The following DGKH variants were observed in gnomAD, a reference collection of about 807,000 sequenced individuals.
The protein encoded by DGKH is DAG kinase eta.
DGKH carries 90 observed loss-of-function variants against 159.3 expected under a neutral mutation model. The ratio of observed to expected loss-of-function variants is 0.57; its 90% confidence interval spans 0.48 to 0.67. DGKH has a LOEUF of 0.67. DGKH is among the 30% of genes least tolerant of loss of function. DGKH has a pLI of 0.00. For missense variants in DGKH, 1,181 were observed against 1,506.1 expected, an observed-to-expected ratio of 0.78 and a Z score of 3.57; for synonymous variants, 536 against 553.8, an observed-to-expected ratio of 0.97 and a Z score of 0.45.
intron 1 of DGKH, among the ~76,000 whole-genome samples, chr13:42,087,104 A>AC (rs1566093830): frequency 3.5e-4 from 49 of 141,688 alleles, no homozygotes; most frequent in African/African-American, 1.2e-3. Context: ...GAGTAGGCAC[A>AC]ACAATCCTTG....
In DGKH at chr13:42,048,994, C is replaced by T. The variant is rs756895200; in HGVS notation, c.192+29C>T. On this transcript the variant is annotated intron_variant, in intron 1 of 29. Coordinates refer to ENST00000337343, the MANE Select transcript of DGKH (RefSeq NM_178009.5). The surrounding 1 kb of genome is among the most constrained non-coding windows in gnomAD (Gnocchi z 6.7). ...GGGCGGAGGAGGCGGGCCTGAGGGC[C>T]GCGTGGAAAGCGGGAGGTGGAGAGG... 1 of 1,256,206 alleles carries T rather than the reference C, an allele frequency of 8.0e-7. No individual in the cohort carries two copies. The highest frequency in any genetic ancestry group is 3.1e-5 in the East Asian group (1 of 32,562). The allele number at this position is 1,256,206 out of a possible 1,614,324, so 77.8% of individuals were successfully genotyped here.
intron 1 of DGKH, 150 bp from the exon 2 acceptor site, chr13:42,127,313 A>C: frequency 1.6e-6 from 1 of 635,012 alleles, no homozygotes; most frequent in Admixed American, 2.9e-5. Context: ...ACATATGCAA[A>C]GCTGTGGTGA....
At position 42,237,603 on chromosome 13, in the gene DGKH, C is replaced by T. The variant is rs1032627941; in HGVS notation, c.*8415C>T. 5.9e-5 allele frequency: 9 copies of T among 152,110 alleles called. No homozygotes were observed. Among genetic ancestry groups the T allele is most frequent in the Admixed American group, 1.3e-4 (2 of 15,270 alleles). 9.4% of individuals were successfully genotyped at this position (152,110 alleles called of 1,614,324 possible). On this transcript the variant is annotated 3_prime_UTR_variant, in exon 30 of 30. Transcript: ENST00000337343. ...CAAAAAATATCACATTGATGAAGTC[C>T]GAGACTGTATCTAGATCTTAGCATA...
chr13:42,197,068 G>A (rs1368377776), intron 17 of DGKH, among the ~76,000 whole-genome samples: 2 of 151,940 alleles, frequency 1.3e-5, no homozygotes, highest in Non-Finnish European at 2.9e-5. Flanking sequence ...TGGCTAACAT[G>A]GTGAAACCCC....
intron 16 of DGKH, among the ~76,000 whole-genome samples, chr13:42,193,116 G>A (rs12870816): frequency 0.12 from 18,104 of 152,060 alleles, 1,510 homozygotes; most frequent in East Asian, 0.4. Context: ...TGATAAGCAG[G>A]CCTTTGATGT....
chr13:42,217,756 A>G (rs370774200), intron 26 of DGKH, among the ~76,000 whole-genome samples: 1 of 152,200 alleles, frequency 6.6e-6, no homozygotes, highest in East Asian at 1.9e-4. Flanking sequence ...CTAGTCGGCC[A>G]GGCTCAGTGG....
chr13:42,152,566 C>G (rs1406030673), intron 3 of DGKH, among the ~76,000 whole-genome samples: 1 of 150,178 alleles, frequency 6.7e-6, no homozygotes, highest in East Asian at 1.9e-4. Context: ...ACACATGAAG[C>G]CTTTCTTGGT....
chr13:42,069,910 T>C (rs761818889), intron 1 of DGKH: 16 of 726,330 alleles, frequency 2.2e-5, no homozygotes, highest in Non-Finnish European at 3.4e-5. Context: ...GGGATCGACT[T>C]GTACTTCTTC....
At chr13:42,058,603 A>T (rs746954771) in intron 1 of DGKH, among the ~76,000 whole-genome samples, 1 of 152,214 alleles carries the variant, frequency 6.6e-6, no homozygotes, top group Non-Finnish European at 1.5e-5. Flanking sequence ...ATGACCTCAG[A>T]CATGTTACTT....
downstream of DGKH, among the ~76,000 whole-genome samples, chr13:42,243,649 T>C (rs1302573052): frequency 6.6e-6 from 1 of 152,180 alleles, no homozygotes; most frequent in African/African-American, 2.4e-5. Flanking sequence ...GGCACCTTCC[T>C]GGATAGGGGA....
Position 42,235,591 on chromosome 13 carries a change from C to T in DGKH, c.*6403C>T, listed in dbSNP as rs1023587612. On this transcript the variant is annotated 3_prime_UTR_variant, in exon 30 of 30. Coordinates refer to ENST00000337343, the MANE Select transcript of DGKH (RefSeq NM_178009.5). ...TTAATGTTTGATTGCACTATTGTTT[C>T]CCACAGCTTAGCCGTATCTATTTCT... 6.6e-6 allele frequency: 1 copy of T among 152,098 alleles called. No homozygotes were observed. The highest frequency in any genetic ancestry group is 2.4e-5 in the African/African-American group (1 of 41,436). 9.4% of individuals were successfully genotyped at this position (152,098 alleles called of 1,614,324 possible).
chr13:42,188,550 C>G (rs1956982694), intron 14 of DGKH, among the ~76,000 whole-genome samples: 1 of 152,080 alleles, frequency 6.6e-6, no homozygotes, highest in Non-Finnish European at 1.5e-5. Flanking sequence ...TGCATTAAGT[C>G]AATTACTTTT....
chr13:42,067,901 T>C (rs191887569), intron 1 of DGKH, among the ~76,000 whole-genome samples: 1 of 152,272 alleles, frequency 6.6e-6, no homozygotes, highest in Non-Finnish European at 1.5e-5. Context: ...GAAAACAAAA[T>C]GTCTTATCAT....
At chr13:42,139,845 C>T (rs1170186148) in intron 3 of DGKH, among the ~76,000 whole-genome samples, 2 of 152,150 alleles carry the variant, frequency 1.3e-5, no homozygotes, top group Non-Finnish European at 2.9e-5. Flanking sequence ...GCTATGCTGC[C>T]TGCCTTCAGG....
At chr13:42,183,074 A>C (rs1049475822) in intron 13 of DGKH, among the ~76,000 whole-genome samples, 1 of 152,164 alleles carries the variant, frequency 6.6e-6, no homozygotes, top group African/African-American at 2.4e-5. Context: ...GGATTACTTG[A>C]GCCCAGGAGT....
chr13:42,107,994 T>TAAA (rs1335230566), intron 1 of DGKH, among the ~76,000 whole-genome samples: 2 of 152,216 alleles, frequency 1.3e-5, no homozygotes, highest in Non-Finnish European at 2.9e-5. Flanking sequence ...AGAAAAGTCT[T>TAAA]GTTTGAGTGT....
chr13:42,193,294 A>G (rs1292133374), intron 16 of DGKH, among the ~76,000 whole-genome samples: 1 of 152,218 alleles, frequency 6.6e-6, no homozygotes, highest in African/African-American at 2.4e-5. Flanking sequence ...CTTAAACTTG[A>G]CACTTCCGTT....
At chr13:42,123,777 C>A (rs1200111219) in intron 1 of DGKH, among the ~76,000 whole-genome samples, 2 of 152,076 alleles carry the variant, frequency 1.3e-5, no homozygotes, top group African/African-American at 4.8e-5. Flanking sequence ...ACATTAAAAC[C>A]ACAATGAGAT....
chr13:42,226,303 C>G (rs1337135199), intron 29 of DGKH, among the ~76,000 whole-genome samples: 1 of 152,100 alleles, frequency 6.6e-6, no homozygotes, highest in African/African-American at 2.4e-5. Flanking sequence ...GCAACAGGTG[C>G]TGGTGAGGCT....
Sources: allele counts gnomAD v4.1 joint callset (sites outside exome capture counted in the v4.1 genomes callset), GRCh38; gene constraint gnomAD v4.1.1; non-coding constraint Gnocchi (gnomAD v3.1); transcripts MANE v1.5; gene names NCBI Gene and HGNC (gene_info 2026-07-23, HGNC 2026-07-21).